PDE1A: variants seen among roughly 807,000 people sequenced by gnomAD.
PDE1A encodes phosphodiesterase 1A, also known as dual specificity calcium/calmodulin-dependent 3',5'-cyclic nucleotide phosphodiesterase 1A.
PDE1A carries 35 observed loss-of-function variants against 61.7 expected under a neutral mutation model. That is an observed-to-expected ratio of 0.57 (90% confidence interval 0.43 to 0.75). The LOEUF (loss-of-function observed/expected upper bound fraction) is 0.75, where lower values mean the gene tolerates loss of function less well. PDE1A is among the 30% of genes least tolerant of loss of function. The probability of loss-of-function intolerance (pLI) is 0.00; values close to 1 mark genes in which losing one functional copy is unlikely to be tolerated. For missense variants in PDE1A, 597 were observed against 630.6 expected (o/e 0.95, Z 0.57); for synonymous variants, 232 against 213.2 (o/e 1.09, Z -0.77).
At chr2:182,168,440 T>G in intron 13 of PDE1A, 1 of 727,444 alleles carries the variant, frequency 1.4e-6, no homozygotes, top group Non-Finnish European at 2.1e-6. Flanking sequence ...TGGCATATTT[T>G]CCTTAATTTT....
intron 2 of PDE1A, among the ~76,000 whole-genome samples, chr2:182,464,098 C>T (rs1686490383): frequency 6.6e-6 from 1 of 152,114 alleles, no homozygotes; most frequent in Non-Finnish European, 1.5e-5. Flanking sequence ...GACCTGGTCA[C>T]CTATACCAAG....
intron 1 of PDE1A, among the ~76,000 whole-genome samples, chr2:182,421,998 T>C (rs1232795156): frequency 1.3e-5 from 2 of 152,164 alleles, no homozygotes; most frequent in Non-Finnish European, 2.9e-5. Flanking sequence ...TGCTAACAGA[T>C]ACTTGCGAAA....
downstream of PDE1A, among the ~76,000 whole-genome samples, chr2:182,143,504 T>C (rs562848837): frequency 1.2e-4 from 19 of 152,060 alleles, no homozygotes; most frequent in East Asian, 3.5e-3. Flanking sequence ...TTTTAATTAA[T>C]TAATTTATTT....
At chr2:182,637,389 T>C in the PDE1A span, among the ~76,000 whole-genome samples, 1 of 152,200 alleles carries the variant, frequency 6.6e-6, no homozygotes, top group Non-Finnish European at 1.5e-5. Context: ...AGTTGATTAG[T>C]GGCTAATCCA....
At chr2:182,695,498 C>A in the PDE1A span, among the ~76,000 whole-genome samples, 64 of 151,866 alleles carry the variant, frequency 4.2e-4, no homozygotes, top group Non-Finnish European at 5.9e-4. Flanking sequence ...AACTCCGTCT[C>A]TACTAAAACT....
At chr2:182,562,605 G>A in the PDE1A span, among the ~76,000 whole-genome samples, 1,640 of 152,146 alleles carry the variant, frequency 0.011, 18 homozygotes, top group Middle Eastern at 0.034. Context: ...TTTTTCTATT[G>A]ATTGGAATAG....
chr2:182,181,169 T>G (rs1487219791), intron 13 of PDE1A, among the ~76,000 whole-genome samples: 2 of 152,148 alleles, frequency 1.3e-5, no homozygotes, highest in Non-Finnish European at 2.9e-5. Flanking sequence ...GAAGAGGCAT[T>G]CTGGCTTTTG....
chr2:182,666,956 T>C, the PDE1A span, among the ~76,000 whole-genome samples: 1 of 152,208 alleles, frequency 6.6e-6, no homozygotes, highest in Non-Finnish European at 1.5e-5. Flanking sequence ...ACAGTCCTGC[T>C]AGTAAGTCAC....
At chr2:182,292,654 C>T (rs1376387546) in intron 1 of PDE1A, among the ~76,000 whole-genome samples, 1 of 151,796 alleles carries the variant, frequency 6.6e-6, no homozygotes, top group Admixed American at 6.6e-5. Flanking sequence ...TATCATAATG[C>T]AGAAAACAGA....
intron 11 of PDE1A, among the ~76,000 whole-genome samples, chr2:182,188,758 G>A (rs1398913688): frequency 6.6e-6 from 1 of 152,146 alleles, no homozygotes; most frequent in Non-Finnish European, 1.5e-5. Flanking sequence ...TTACAACCAC[G>A]ATAACAATTA....
chr2:182,535,825 C>T, the PDE1A span, among the ~76,000 whole-genome samples: 3 of 152,118 alleles, frequency 2.0e-5, no homozygotes, highest in Admixed American at 2.0e-4. Flanking sequence ...ATGTTTGTGT[C>T]ACAGAACACT....
At chr2:182,167,834 T>A, downstream of PDE1A, 6 of 808,706 alleles carry the variant, frequency 7.4e-6, no homozygotes, top group Non-Finnish European at 9.0e-6. Flanking sequence ...AGATAATTTT[T>A]TTTTTTAATT....
At chr2:182,303,905 GTTTGTTTT>G (rs1478416418) in intron 1 of PDE1A, among the ~76,000 whole-genome samples, 174 of 151,874 alleles carry the variant, frequency 1.1e-3, no homozygotes, top group African/African-American at 3.6e-3. Flanking sequence ...TTGTTTGTTT[GTTTGTTTT>G]TTTGTTGAGA....
the PDE1A span, among the ~76,000 whole-genome samples, chr2:182,649,657 C>G: frequency 1.3e-5 from 2 of 151,262 alleles, no homozygotes; most frequent in African/African-American, 4.9e-5. Context: ...TTCACCCAGG[C>G]TTGATTGCAG....
At chr2:182,673,642 A>G in the PDE1A span, among the ~76,000 whole-genome samples, 3 of 151,918 alleles carry the variant, frequency 2.0e-5, no homozygotes, top group East Asian at 1.9e-4. Context: ...TCCATTTAAG[A>G]TTTCGTTTTA....
chr2:182,655,822 G>A, the PDE1A span, among the ~76,000 whole-genome samples: 1 of 152,128 alleles, frequency 6.6e-6, no homozygotes, highest in Non-Finnish European at 1.5e-5. Flanking sequence ...TCCGTGATCT[G>A]AGCCCTGAAT....
the PDE1A span, among the ~76,000 whole-genome samples, chr2:182,531,378 T>TAAAAAAAAAAAA: frequency 6.9e-6 from 1 of 145,416 alleles, no homozygotes; most frequent in Non-Finnish European, 1.5e-5. Context: ...AAAAAGGTAG[T>TAAAAAAAAAAAA]AAAAAAAAAA....
the PDE1A span, among the ~76,000 whole-genome samples, chr2:182,613,379 G>A: frequency 1.3e-5 from 2 of 151,982 alleles, no homozygotes; most frequent in South Asian, 2.1e-4. Context: ...TGGCTAACAC[G>A]GTGAAACCCC....
chr2:182,702,114 T>C, the PDE1A span, among the ~76,000 whole-genome samples: 1 of 152,158 alleles, frequency 6.6e-6, no homozygotes, highest in African/African-American at 2.4e-5. Context: ...TATTGATTGA[T>C]TGATTTTTGA....
Sources: gnomAD v4.1 joint callset for allele counts (sites outside exome capture counted in the v4.1 genomes callset) on GRCh38, gnomAD v4.1.1 for gene constraint, MANE v1.5 for transcripts, NCBI Gene and HGNC (gene_info 2026-07-23, HGNC 2026-07-21) for gene names.